The following CHCHD6 variants were observed in gnomAD, a reference collection of about 807,000 sequenced individuals.
The protein encoded by CHCHD6 is MICOS complex subunit MIC25.
Under a neutral mutation model 32.3 loss-of-function variants are expected in CHCHD6, and 28 were observed. The ratio of observed to expected loss-of-function variants is 0.87; its 90% CI spans 0.64 to 1.19. CHCHD6 has a LOEUF of 1.19. Among genes scored for constraint, CHCHD6 ranks in the 50% most tolerant of loss-of-function variants. The probability of loss-of-function intolerance (pLI) is 0.00; values close to 1 mark genes in which losing one functional copy is unlikely to be tolerated. For missense variants in CHCHD6, 333 were observed against 307.0 expected (o/e 1.08, Z -0.63); for synonymous variants, 122 against 117.5 (o/e 1.04, Z -0.25).
At chr3:126,733,301 G>T in intron 4 of CHCHD6, 79 bp downstream of exon 4, 1 of 1,396,982 alleles carries the variant, frequency 7.2e-7, no homozygotes, top group Non-Finnish European at 9.9e-7. Context: ...CTGGCACCTG[G>T]TTAGTCTGAA....
In CHCHD6 at chr3:126,774,579, C is replaced by CT. The variant is rs753627605; in HGVS notation, c.411+41359dup. 5.3e-5 allele frequency among the ~76,000 whole-genome samples: 8 copies of CT among 152,246 alleles called. No individual in the cohort carries two copies. The East Asian group carries it at 5.8e-4, about 11-fold the overall frequency. ...TGGCTGGGATGGGGAAGGGCACCTG[C>CT]TTACTGCTCCCCAAGTGATCTCCAC... On this transcript the variant is annotated intron_variant, in intron 4 of 7. Transcript: ENST00000290913.
At chr3:126,861,679 C>CCCCT (rs1941880574) in intron 5 of CHCHD6, among the ~76,000 whole-genome samples, 1 of 145,152 alleles carries the variant, frequency 6.9e-6, no homozygotes, top group African/African-American at 2.6e-5. Context: ...CACCACCTTC[C>CCCCT]CCTCCATGAC....
At chr3:126,947,139 C>T (rs1457695041) in intron 6 of CHCHD6, among the ~76,000 whole-genome samples, 1 of 152,256 alleles carries the variant, frequency 6.6e-6, no homozygotes, top group South Asian at 2.1e-4. Flanking sequence ...GTCATGGGAA[C>T]GACTTGGCCA....
intron 3 of CHCHD6, among the ~76,000 whole-genome samples, chr3:126,731,229 C>A (rs1935789597): frequency 6.6e-6 from 1 of 151,908 alleles, no homozygotes; most frequent in African/African-American, 2.4e-5. Flanking sequence ...GGAGCCCTCC[C>A]AGTGCTAACT....
rs141043569 is a variant in CHCHD6 at position 126,837,627 on chromosome 3, A to G, written c.412-15020A>G. Among the ~76,000 whole-genome samples the G allele has an allele frequency of 2.7e-3, 413 of 152,318 alleles. 3 individuals carry two copies. The highest frequency in any genetic ancestry group is 0.019 in the South Asian group (91 of 4,824). ...TTTCACTAGGTTATTGTATAAGTTA[A>G]TGGAACACTTAAGGAATTATTTACT... On this transcript the variant is annotated intron_variant, in intron 4 of 7. Transcript: ENST00000290913.
chr3:126,796,206 C>T lies in CHCHD6; in HGVS notation c.412-56441C>T, dbSNP rs73201791. ...ATAAAAACATAAAAACAAAATTAGC[C>T]GGGCTTGGTGGTGTACACCTGTGGT... On this transcript the variant is annotated intron_variant, in intron 4 of 7. Transcript: ENST00000290913. Among the ~76,000 whole-genome samples, 1,296 of 152,150 alleles carry T rather than the reference C, an allele frequency of 8.5e-3. 8 individuals are homozygous for T. The highest frequency in any genetic ancestry group is 0.014 in the Middle Eastern group (4 of 292).
At chr3:126,799,210 G>A (rs772694533) in intron 4 of CHCHD6, among the ~76,000 whole-genome samples, 6 of 152,186 alleles carry the variant, frequency 3.9e-5, no homozygotes, top group Non-Finnish European at 8.8e-5. Context: ...ATAAAAAGGT[G>A]TTGAACAAGT....
chr3:126,715,755 T>C (rs577528581), intron 1 of CHCHD6, among the ~76,000 whole-genome samples: 1 of 151,892 alleles, frequency 6.6e-6, no homozygotes, highest in East Asian at 1.9e-4. Flanking sequence ...ACTTTAGGAG[T>C]TTTTCTTCTT....
intron 6 of CHCHD6, among the ~76,000 whole-genome samples, chr3:126,938,798 G>A (rs1044506028): frequency 1.3e-5 from 2 of 152,056 alleles, no homozygotes; most frequent in African/African-American, 4.8e-5. Context: ...CCCCATGCAG[G>A]GGTCTCTGCC....
intron 4 of CHCHD6, among the ~76,000 whole-genome samples, chr3:126,776,749 G>A (rs1227423371): frequency 6.6e-6 from 1 of 151,996 alleles, no homozygotes; most frequent in African/African-American, 2.4e-5. Context: ...TTTGAATTAG[G>A]GATACATTTT....
chr3:126,802,800 A>T (rs550657684), intron 4 of CHCHD6, among the ~76,000 whole-genome samples: 1 of 152,352 alleles, frequency 6.6e-6, no homozygotes, highest in African/African-American at 2.4e-5. Context: ...AAAAATGTTA[A>T]GGTCAGCCAG....
intron 6 of CHCHD6, among the ~76,000 whole-genome samples, chr3:126,926,792 G>C (rs540262268): frequency 1.3e-5 from 2 of 152,256 alleles, no homozygotes; most frequent in East Asian, 1.9e-4. Flanking sequence ...TTTAGAAAGA[G>C]ATCTGGCAGC....
chr3:126,822,886 T>A lies in CHCHD6; in HGVS notation c.412-29761T>A, dbSNP rs149249897. On this transcript the variant is annotated intron_variant, in intron 4 of 7. Coordinates refer to ENST00000290913, the MANE Select transcript of CHCHD6 (RefSeq NM_032343.3). ...ATTGTAGCTTTATGGTAGTTGTAAT[T>A]ATCTTGTATATCTTGTATATTCATC... Among the ~76,000 whole-genome samples the A allele has an allele frequency of 2.4e-3, 365 of 152,194 alleles. 1 individual carries two copies. Among genetic ancestry groups the A allele is most frequent in the African/African-American group, 8.3e-3 (344 of 41,516 alleles).
chr3:126,724,837 C>A (rs1369493125), intron 1 of CHCHD6, among the ~76,000 whole-genome samples: 1 of 152,200 alleles, frequency 6.6e-6, no homozygotes, highest in Non-Finnish European at 1.5e-5. Context: ...AAACCACTTT[C>A]TTTCCTCATC....
At chr3:126,819,205 A>G (rs1432419036) in intron 4 of CHCHD6, among the ~76,000 whole-genome samples, 1 of 152,166 alleles carries the variant, frequency 6.6e-6, no homozygotes, top group Non-Finnish European at 1.5e-5. Context: ...GTAACAAACT[A>G]TGCTGAGACC....
chr3:126,816,101 C>G, intron 4 of CHCHD6, among the ~76,000 whole-genome samples: 1 of 152,196 alleles, frequency 6.6e-6, no homozygotes, highest in East Asian at 1.9e-4. Context: ...TCCTCCCCCT[C>G]CCCCTCTGCA....
At chr3:126,750,331 C>T (rs1219792772) in intron 4 of CHCHD6, among the ~76,000 whole-genome samples, 1 of 152,210 alleles carries the variant, frequency 6.6e-6, no homozygotes, top group African/African-American at 2.4e-5. Flanking sequence ...TCCACTGAGA[C>T]CCCAGATGTG....
At chr3:126,955,678 G>C (rs2078773949) in intron 6 of CHCHD6, among the ~76,000 whole-genome samples, 1 of 152,228 alleles carries the variant, frequency 6.6e-6, no homozygotes, top group Non-Finnish European at 1.5e-5. Context: ...ATGCCCTGGG[G>C]ATGGGTCTTG....
Position 126,905,886 on chromosome 3 carries a change from A to G in CHCHD6, c.496-8794A>G, listed in dbSNP as rs550579028. Among the ~76,000 whole-genome samples the G allele has an allele frequency of 2.6e-5, 4 of 152,292 alleles. No homozygotes were observed. In the East Asian group the frequency reaches 7.7e-4, roughly 29 times the overall value. The stretch of plus-strand genomic sequence containing the variant: ...ATAGCTAGTGGTGTTCACTACTTCA[A>G]GAACTGCAGGAATCAGGGGCATCAC... On this transcript the variant is annotated intron_variant, in intron 5 of 7. Coordinates refer to ENST00000290913, the MANE Select transcript of CHCHD6 (RefSeq NM_032343.3).
Sources: gnomAD v4.1 joint callset for allele counts (sites outside exome capture counted in the v4.1 genomes callset) on GRCh38, gnomAD v4.1.1 for gene constraint, MANE v1.5 for transcripts, NCBI Gene and HGNC (gene_info 2026-07-23, HGNC 2026-07-21) for gene names.